ADAM12: variants seen among roughly 807,000 people sequenced by gnomAD.
ADAM12 encodes ADAM metallopeptidase domain 12.
ADAM12 carries 70 observed loss-of-function variants against 106.4 expected under a neutral mutation model. The observed-to-expected ratio is 0.66, with a 90% CI of 0.54 to 0.80. The LOEUF (loss-of-function observed/expected upper bound fraction) is 0.80. Among genes scored for constraint, ADAM12 ranks in the 30% least tolerant of loss-of-function variants. ADAM12 has a pLI of 0.00. For synonymous variants in ADAM12, 420 were observed against 433.5 expected (o/e 0.97, Z 0.39); for missense variants, 1,010 against 1,171.9 (o/e 0.86, Z 2.02).
At chr10:126,121,502 A>G (rs1039908700) in intron 5 of ADAM12, among the ~76,000 whole-genome samples, 1 of 138,272 alleles carries the variant, frequency 7.2e-6, no homozygotes, top group African/African-American at 2.6e-5. Context: ...AATATATAAT[A>G]TAATAGAAAA....
At chr10:126,308,642 T>C (rs1960949653) in intron 2 of ADAM12, among the ~76,000 whole-genome samples, 1 of 152,262 alleles carries the variant, frequency 6.6e-6, no homozygotes, top group Non-Finnish European at 1.5e-5. Flanking sequence ...TGACTATTTT[T>C]TCAAATTGTG....
At chr10:126,036,390 A>C in intron 20 of ADAM12, 65 bp from the exon 21 acceptor site, 1 of 1,510,412 alleles carries the variant, frequency 6.6e-7, no homozygotes, top group Non-Finnish European at 8.8e-7. Context: ...CTCCTTAAGG[A>C]AAAAGCAGTG....
At chr10:126,105,003 C>T (rs1218200873) in intron 8 of ADAM12, among the ~76,000 whole-genome samples, 1 of 152,166 alleles carries the variant, frequency 6.6e-6, no homozygotes, top group Non-Finnish European at 1.5e-5. Context: ...AGCACCAAGT[C>T]TCCCAGGGGG....
chr10:126,255,420 C>T (rs973333601), intron 3 of ADAM12, among the ~76,000 whole-genome samples: 18 of 152,172 alleles, frequency 1.2e-4, no homozygotes, highest in South Asian at 2.1e-4. Context: ...TTCCTCCCCA[C>T]GGCTCCACCT....
intron 11 of ADAM12, among the ~76,000 whole-genome samples, chr10:126,083,066 C>T (rs1336285614): frequency 2.0e-5 from 3 of 152,334 alleles, no homozygotes; most frequent in East Asian, 1.9e-4. Context: ...TGTTCAGTGC[C>T]GTGGCAGGCC....
intron 2 of ADAM12, among the ~76,000 whole-genome samples, chr10:126,328,908 A>G (rs1433338489): frequency 1.3e-5 from 2 of 152,170 alleles, no homozygotes; most frequent in Non-Finnish European, 2.9e-5. Context: ...TAGATGTGCC[A>G]GTCCCTCCTC....
At position 126,013,824 on chromosome 10, in the gene ADAM12, G is replaced by A. The variant is rs2271649; in HGVS notation, c.*3455C>T. On this transcript the variant is annotated 3_prime_UTR_variant, in exon 23 of 23. Transcript: ENST00000448723. The surrounding 1 kb of genome is among the most constrained non-coding windows in gnomAD (Gnocchi z 4.3). ...GCTGGCTTCTAGCATGGAGAGGAGA[G>A]GAAAAGGGGTCCTGCAATGTCCCCC... The A allele has an allele frequency of 0.05, 7,686 of 152,440 alleles. 502 individuals carry two copies. The highest frequency in any genetic ancestry group is 0.14 in the African/African-American group (5,844 of 41,492). The allele number at this position is 152,440 out of a possible 1,614,324, so 9.4% of individuals were successfully genotyped here.
intron 5 of ADAM12, among the ~76,000 whole-genome samples, chr10:126,134,074 G>A (rs1029432896): frequency 6.6e-6 from 1 of 152,224 alleles, no homozygotes; most frequent in African/African-American, 2.4e-5. Context: ...AACTGGCAAT[G>A]AGGAAGCACT....
chr10:126,213,720 A>C (rs1411999196), intron 3 of ADAM12, among the ~76,000 whole-genome samples: 1 of 152,248 alleles, frequency 6.6e-6, no homozygotes, highest in Admixed American at 6.5e-5. Context: ...TACATATTTC[A>C]AAAAGCTCCC....
intron 1 of ADAM12, among the ~76,000 whole-genome samples, 157 bp downstream of exon 1, chr10:126,387,901 G>T (rs1044918254): frequency 2.1e-5 from 3 of 146,146 alleles, no homozygotes; most frequent in Admixed American, 6.8e-5. Flanking sequence ...GGGGGGGGGG[G>T]TCGGTCTCGC....
At chr10:126,330,553 AAG>A in intron 1 of ADAM12, 44 bp from the exon 2 acceptor site, 1 of 1,547,440 alleles carries the variant, frequency 6.5e-7, no homozygotes, top group South Asian at 1.2e-5. Context: ...TCTAGTCAGG[AAG>A]AGTTTGGCAT....
In ADAM12 at chr10:126,012,482, A is replaced by G. The variant is rs1953586914; in HGVS notation, c.*4797T>C. 2 of 152,244 alleles carry G rather than the reference A, an allele frequency of 1.3e-5. No homozygotes were observed. Among genetic ancestry groups the G allele is most frequent in the South Asian group, 4.1e-4 (2 of 4,832 alleles). 9.4% of individuals were successfully genotyped at this position (152,244 alleles called of 1,614,324 possible). On this transcript the variant is annotated 3_prime_UTR_variant, in exon 23 of 23. Transcript: ENST00000448723. ...TTGTGTTTACCTGTCGAACCCCAATATGAGAAATGTGTACAAAAGCAACAG... is the reference window on the plus strand; with the variant it reads ...TTGTGTTTACCTGTCGAACCCCAATGTGAGAAATGTGTACAAAAGCAACAG...
intron 3 of ADAM12, among the ~76,000 whole-genome samples, chr10:126,254,159 A>G (rs145404040): frequency 0.011 from 1,632 of 152,202 alleles, 38 homozygotes; most frequent in African/African-American, 0.037. Context: ...GCTCTCAGCC[A>G]TTAGAACAGG....
In ADAM12 at chr10:126,184,700, CTT is replaced by C. The variant is rs544698999; in HGVS notation, c.261-29397_261-29396del. ...CGGCTGCCACGCTTCAGTTCTGTCT[CTT>C]GTGTTTGTGCTTGGTCTGTTGACAA... On this transcript the variant is annotated intron_variant, in intron 3 of 22. Transcript: ENST00000448723. Among the ~76,000 whole-genome samples, 244 of 152,288 alleles carry C rather than the reference CTT, an allele frequency of 1.6e-3. 2 individuals carry two copies. The highest frequency in any genetic ancestry group is 9.3e-3 in the South Asian group (45 of 4,828).
intron 1 of ADAM12, among the ~76,000 whole-genome samples, chr10:126,350,181 C>G (rs949399469): frequency 6.6e-6 from 1 of 152,248 alleles, no homozygotes; most frequent in African/African-American, 2.4e-5. Flanking sequence ...CATCCACACA[C>G]TGGCACACAT....
intron 1 of ADAM12, among the ~76,000 whole-genome samples, chr10:126,342,797 C>T (rs1312488630): frequency 6.6e-6 from 1 of 151,972 alleles, no homozygotes; most frequent in East Asian, 1.9e-4. Context: ...CATTTCTCTG[C>T]AAGATGAGCA....
At chr10:126,329,989 G>C (rs905816384) in intron 2 of ADAM12, among the ~76,000 whole-genome samples, 1 of 152,024 alleles carries the variant, frequency 6.6e-6, no homozygotes, top group African/African-American at 2.4e-5. Context: ...ACATGTCAAA[G>C]TAAATAAAGT....
chr10:126,159,416 A>G (rs1359377872), intron 3 of ADAM12, among the ~76,000 whole-genome samples: 1 of 151,930 alleles, frequency 6.6e-6, no homozygotes, highest in Non-Finnish European at 1.5e-5. Context: ...TATTACATAT[A>G]TTATTTACTA....
chr10:126,342,739 G>C (rs576461114), intron 1 of ADAM12, among the ~76,000 whole-genome samples: 1 of 152,176 alleles, frequency 6.6e-6, no homozygotes, highest in African/African-American at 2.4e-5. Flanking sequence ...ACACTGCCTT[G>C]GTTTAAAATC....
Sources: gnomAD v4.1 joint callset for allele counts (sites outside exome capture counted in the v4.1 genomes callset) on GRCh38, gnomAD v4.1.1 for gene constraint, Gnocchi (gnomAD v3.1) non-coding constraint, MANE v1.5 for transcripts, NCBI Gene and HGNC (gene_info 2026-07-23, HGNC 2026-07-21) for gene names.